The following MDGA2 variants were observed in gnomAD, a reference collection of about 807,000 sequenced individuals.
MDGA2 encodes the protein MAM domain-containing glycosylphosphatidylinositol anchor protein 2.
Under a neutral mutation model 117.8 loss-of-function variants are expected in MDGA2, and 40 were observed. That is an observed-to-expected ratio of 0.34 (90% CI 0.26 to 0.44). The LOEUF is 0.44. Ranked by LOEUF, MDGA2 falls within the 20% of genes least tolerant of loss-of-function variation. MDGA2 has a pLI of 1.00. For synonymous variants in MDGA2, 452 were observed against 439.0 expected, an observed-to-expected ratio of 1.03 and a Z score of -0.37; for missense variants, 1,123 against 1,250.6, an observed-to-expected ratio of 0.90 and a Z score of 1.54.
rs571167277 is a variant in MDGA2, at chr14:46,960,729, A to AC, written c.1820-3087_1820-3086insG. On this transcript the variant is annotated intron_variant, in intron 8 of 16. Transcript: ENST00000399232. ...TATATGTACATGAAATATAATTTTC[A>AC]TTTTATATGTATATGTGTATATGCA... is the stretch of plus-strand genomic sequence containing the variant. Among the ~76,000 whole-genome samples, 588 of 150,624 alleles carry AC rather than the reference A, an allele frequency of 3.9e-3. 8 individuals carry two copies. The highest frequency in any genetic ancestry group is 0.014 in the African/African-American group (576 of 41,030).
chr14:47,170,612 C>A (rs1053708054), intron 3 of MDGA2, among the ~76,000 whole-genome samples: 1 of 152,132 alleles, frequency 6.6e-6, no homozygotes, highest in African/African-American at 2.4e-5. Context: ...CCACTATGAA[C>A]ATTTTGTTTA....
intron 1 of MDGA2, among the ~76,000 whole-genome samples, chr14:47,564,919 G>A (rs771224479): frequency 6.6e-6 from 1 of 152,004 alleles, no homozygotes; most frequent in African/African-American, 2.4e-5. Flanking sequence ...ACCTGTGATT[G>A]TATTTTGAAA....
chr14:47,114,993 T>C (rs548314310), intron 5 of MDGA2, among the ~76,000 whole-genome samples: 2 of 145,638 alleles, frequency 1.4e-5, no homozygotes, highest in African/African-American at 5.0e-5. Flanking sequence ...CGAGCCAACC[T>C]ACAAAATGGA....
At chr14:47,438,326 T>C (rs937306411) in intron 1 of MDGA2, among the ~76,000 whole-genome samples, 3 of 152,140 alleles carry the variant, frequency 2.0e-5, no homozygotes, top group Non-Finnish European at 4.4e-5. Flanking sequence ...TACCGAAAGT[T>C]ACTGTCCTCT....
At chr14:47,336,700 C>A (rs1890469152) in intron 1 of MDGA2, among the ~76,000 whole-genome samples, 1 of 151,896 alleles carries the variant, frequency 6.6e-6, no homozygotes, top group Non-Finnish European at 1.5e-5. Flanking sequence ...AATTTCACCT[C>A]CCTCAAAGAA....
At chr14:46,948,259 G>A (rs919841761) in intron 9 of MDGA2, among the ~76,000 whole-genome samples, 4 of 151,732 alleles carry the variant, frequency 2.6e-5, no homozygotes, top group Non-Finnish European at 5.9e-5. Context: ...TTGTCTTCTT[G>A]CTTTCATAAT....
intron 1 of MDGA2, among the ~76,000 whole-genome samples, chr14:47,401,206 G>A (rs1259030557): frequency 6.6e-6 from 1 of 151,912 alleles, no homozygotes; most frequent in African/African-American, 2.4e-5. Context: ...TATCTATTTA[G>A]TTTATCATTA....
chr14:46,931,516 T>A (rs546372161), intron 9 of MDGA2, among the ~76,000 whole-genome samples: 1 of 131,890 alleles, frequency 7.6e-6, no homozygotes, highest in East Asian at 2.0e-4. Context: ...TGCTTTTAGT[T>A]TATTTTTGCT....
chr14:46,866,429 CATAAAAACCCTA>C (rs978540818), intron 14 of MDGA2, among the ~76,000 whole-genome samples: 64 of 152,136 alleles, frequency 4.2e-4, no homozygotes, highest in African/African-American at 1.5e-3. Context: ...GACCTAAAAC[CATAAAAACCCTA>C]GAAGAAAACC....
rs1880556791 is a variant in MDGA2 at position 46,840,315 on chromosome 14, G to A, written c.*1616C>T. 1 of 152,084 alleles carries A rather than the reference G, an allele frequency of 6.6e-6. No homozygotes were observed. The highest frequency in any genetic ancestry group is 1.5e-5 in the Non-Finnish European group (1 of 67,890). The allele number at this position is 152,084 out of a possible 1,614,324, so 9.4% of individuals were successfully genotyped here. On this transcript the variant is annotated 3_prime_UTR_variant, in exon 17 of 17. Coordinates refer to ENST00000399232, the MANE Select transcript of MDGA2 (RefSeq NM_001113498.3). ...TCAGTTTTTTTAATCCTGGGGTGTT[G>A]AAAGAACATATAATAATAATATTCT...
At chr14:47,360,496 GA>G (rs1891097100) in intron 1 of MDGA2, among the ~76,000 whole-genome samples, 1 of 152,046 alleles carries the variant, frequency 6.6e-6, no homozygotes, top group Non-Finnish European at 1.5e-5. Context: ...CTTTCCCAAT[GA>G]GAGAAATGCA....
At chr14:47,570,892 A>G (rs1339254830) in intron 1 of MDGA2, among the ~76,000 whole-genome samples, 2 of 152,334 alleles carry the variant, frequency 1.3e-5, no homozygotes, top group Non-Finnish European at 1.5e-5. Flanking sequence ...AACAAAAGTC[A>G]AAATTGACAA....
At chr14:47,537,574 TAAAAAAAA>T (rs58060138) in intron 1 of MDGA2, among the ~76,000 whole-genome samples, 425 of 36,620 alleles carry the variant, frequency 0.012, 4 homozygotes, top group East Asian at 0.047. Context: ...TTCTCTCTGT[TAAAAAAAA>T]AAAAAAAAAA....
chr14:46,969,308 C>T (rs1321064619), intron 8 of MDGA2, among the ~76,000 whole-genome samples: 3 of 152,146 alleles, frequency 2.0e-5, no homozygotes, highest in Non-Finnish European at 4.4e-5. Context: ...AGTTCTAGAT[C>T]CCAGAGGAAT....
chr14:47,106,978 C>G (rs1465613917), intron 5 of MDGA2, among the ~76,000 whole-genome samples: 1 of 119,912 alleles, frequency 8.3e-6, no homozygotes, highest in African/African-American at 3.5e-5. Context: ...ATCTGCTTCC[C>G]TGACTATTCC....
At chr14:47,334,796 T>C (rs1290619910) in intron 1 of MDGA2, among the ~76,000 whole-genome samples, 1 of 151,938 alleles carries the variant, frequency 6.6e-6, no homozygotes, top group East Asian at 1.9e-4. Context: ...CAACTGTGAC[T>C]GCTCAGAAAG....
intron 8 of MDGA2, among the ~76,000 whole-genome samples, chr14:47,026,713 T>C (rs1243833990): frequency 6.6e-6 from 1 of 152,132 alleles, no homozygotes; most frequent in African/African-American, 2.4e-5. Flanking sequence ...CAAATTCCTT[T>C]TTAACTAAGA....
chr14:47,358,277 A>G (rs1891039129), intron 1 of MDGA2, among the ~76,000 whole-genome samples: 1 of 152,154 alleles, frequency 6.6e-6, no homozygotes, highest in Non-Finnish European at 1.5e-5. Context: ...GCCTAATAAA[A>G]GCCCTGTTTT....
At chr14:47,041,018 C>T (rs943419902) in intron 7 of MDGA2, among the ~76,000 whole-genome samples, 7 of 152,016 alleles carry the variant, frequency 4.6e-5, no homozygotes, top group Non-Finnish European at 5.9e-5. Context: ...TAGAGATAAA[C>T]ATAATCAATA....
Sources: gnomAD v4.1 joint callset for allele counts (sites outside exome capture counted in the v4.1 genomes callset) on GRCh38, gnomAD v4.1.1 for gene constraint, MANE v1.5 for transcripts, NCBI Gene and HGNC (gene_info 2026-07-23, HGNC 2026-07-21) for gene names.